Variants in LPP observed in about 807,000 individuals in gnomAD.
LPP encodes LIM domain containing preferred translocation partner in lipoma, also known as lipoma-preferred partner.
In LPP, 38 loss-of-function variants were observed where a neutral mutation model predicts 60.4. The observed-to-expected ratio is 0.63, with a 90% CI of 0.49 to 0.83. LPP has a LOEUF of 0.83. Among genes scored for constraint, LPP ranks in the 40% least tolerant of loss-of-function variants. LPP has a pLI of 0.00. For synonymous variants in LPP, 328 were observed against 290.8 expected (o/e 1.13, Z -1.30); for missense variants, 902 against 783.6 (o/e 1.15, Z -1.80).
At chr3:188,742,856 A>G (rs189474686) in intron 8 of LPP, among the ~76,000 whole-genome samples, 2 of 152,328 alleles carry the variant, frequency 1.3e-5, no homozygotes, top group Non-Finnish European at 2.9e-5. Context: ...ATAAACAAGA[A>G]AAAGTGTTTT....
chr3:188,232,504 A>ATTTTTTTTTTTTTTTT (rs71634069), intron 2 of LPP, among the ~76,000 whole-genome samples: 24 of 103,234 alleles, frequency 2.3e-4, no homozygotes, highest in Non-Finnish European at 2.5e-4. Flanking sequence ...ACACCCGGCT[A>ATTTTTTTTTTTTTTTT]TTTTTTTTTT....
intron 2 of LPP, among the ~76,000 whole-genome samples, chr3:188,301,192 A>G (rs1577957712): frequency 6.6e-6 from 1 of 150,452 alleles, no homozygotes; most frequent in Non-Finnish European, 1.5e-5. Context: ...TGTCATTTAT[A>G]TTTATCTATT....
chr3:188,839,877 AAAAAT>A (rs1368340917), intron 9 of LPP, among the ~76,000 whole-genome samples: 3 of 152,200 alleles, frequency 2.0e-5, no homozygotes, highest in Non-Finnish European at 4.4e-5. Context: ...ACTCCGTCTC[AAAAAT>A]AAAATAAAAT....
chr3:188,862,486 A>T (rs1486446422), intron 9 of LPP, among the ~76,000 whole-genome samples: 2 of 152,092 alleles, frequency 1.3e-5, no homozygotes, highest in African/African-American at 2.4e-5. Context: ...GGCATTCTCT[A>T]AGCAAAGTAG....
At chr3:188,535,336 G>A (rs1218666259) in intron 6 of LPP, among the ~76,000 whole-genome samples, 1 of 152,088 alleles carries the variant, frequency 6.6e-6, no homozygotes, top group South Asian at 2.1e-4. Flanking sequence ...AAATGACTTC[G>A]GTTTGCATAA....
intron 4 of LPP, among the ~76,000 whole-genome samples, chr3:188,431,886 A>G (rs1405252523): frequency 6.6e-6 from 1 of 152,190 alleles, no homozygotes; most frequent in Non-Finnish European, 1.5e-5. Flanking sequence ...TTAGGTTGTG[A>G]CATGGGTCAT....
intron 4 of LPP, among the ~76,000 whole-genome samples, chr3:188,443,201 C>T (rs1794451781): frequency 6.6e-6 from 1 of 152,188 alleles, no homozygotes; most frequent in Non-Finnish European, 1.5e-5. Context: ...TGTTTTCAGA[C>T]TGGGGCTCTA....
In LPP at chr3:188,609,129, T is replaced by G. The variant is rs753944921; in HGVS notation, c.430-32T>G. 163 of 1,502,914 alleles carry G rather than the reference T, an allele frequency of 1.1e-4. No homozygotes were observed. The highest frequency in any genetic ancestry group is 2.9e-4 in the Admixed American group (13 of 44,712). The allele number at this position is 1,502,914 out of a possible 1,614,324, so 93.1% of individuals were successfully genotyped here. ...GTTTCGTTGGCAGTAATTTTTGCTTTCTTTCTTTCTTTTTTTTCCTATTCT... is the reference window on the plus strand; with the variant it reads ...GTTTCGTTGGCAGTAATTTTTGCTTGCTTTCTTTCTTTTTTTTCCTATTCT... On this transcript the variant is annotated intron_variant, in intron 6 of 11. Coordinates refer to ENST00000617246, the MANE Select transcript of LPP (RefSeq NM_001375462.1). This position sits in a 1 kb window ranked among gnomAD's most constrained non-coding sequence, Gnocchi z 6.9.
chr3:188,470,057 A>C (rs896286657), intron 4 of LPP, among the ~76,000 whole-genome samples: 4 of 152,136 alleles, frequency 2.6e-5, no homozygotes, highest in Non-Finnish European at 4.4e-5. Flanking sequence ...ACAAACAAAA[A>C]TATTGAGAAT....
At chr3:188,162,622 C>T (rs1718635306) in intron 1 of LPP, among the ~76,000 whole-genome samples, 1 of 152,114 alleles carries the variant, frequency 6.6e-6, no homozygotes, top group African/African-American at 2.4e-5. Flanking sequence ...GGGCTAACCA[C>T]AAGCCCTGTG....
chr3:188,249,635 C>G (rs1314696839), intron 2 of LPP, among the ~76,000 whole-genome samples: 1 of 151,660 alleles, frequency 6.6e-6, no homozygotes, highest in Non-Finnish European at 1.5e-5. Flanking sequence ...ACTACATTTT[C>G]CCCTCTCCTC....
intron 3 of LPP, among the ~76,000 whole-genome samples, chr3:188,342,614 T>A (rs760541606): frequency 1.1e-4 from 16 of 152,230 alleles, no homozygotes; most frequent in South Asian, 2.1e-4. Context: ...TGTATTCTGC[T>A]GAATATTTTG....
intron 3 of LPP, among the ~76,000 whole-genome samples, chr3:188,404,674 GTC>G (rs1488481737): frequency 6.6e-6 from 1 of 152,206 alleles, no homozygotes; most frequent in Non-Finnish European, 1.5e-5. Context: ...CCTCCACCCT[GTC>G]TCTCTATTAC....
At chr3:188,636,484 C>T (rs905937684) in intron 7 of LPP, among the ~76,000 whole-genome samples, 3 of 152,128 alleles carry the variant, frequency 2.0e-5, no homozygotes, top group African/African-American at 7.2e-5. Context: ...GGGGGAGGGG[C>T]GCCCACCATT....
chr3:188,313,561 T>C (rs1032696394), intron 2 of LPP, among the ~76,000 whole-genome samples: 6 of 150,022 alleles, frequency 4.0e-5, no homozygotes, highest in Non-Finnish European at 7.4e-5. Flanking sequence ...TCGCTTGAAC[T>C]GGGAGGTGGA....
intron 4 of LPP, among the ~76,000 whole-genome samples, chr3:188,424,372 T>C (rs1471572637): frequency 1.3e-5 from 2 of 152,204 alleles, no homozygotes; most frequent in Non-Finnish European, 1.5e-5. Context: ...GTAGCATAGT[T>C]TGAAGTCAGG....
intron 7 of LPP, among the ~76,000 whole-genome samples, chr3:188,628,101 A>C (rs953163551): frequency 1.6e-4 from 25 of 152,098 alleles, no homozygotes; most frequent in African/African-American, 6.0e-4. Flanking sequence ...ACACAGCTAA[A>C]GCAGTATTAA....
At position 188,524,937 on chromosome 3, in the gene LPP, TTCCTTCC is replaced by T; in HGVS notation, c.429+152_429+158del. ...CTTCCTTCCTTCCTTCCTTCCTTCC[TTCCTTCC>T]TTCCTCTCTCTCTCTTCTTTCTTTC... is the stretch of plus-strand genomic sequence containing the variant. On this transcript the variant is annotated intron_variant, in intron 6 of 11. Coordinates refer to ENST00000617246, the MANE Select transcript of LPP (RefSeq NM_001375462.1). 4.8e-6 allele frequency: 3 copies of T among 626,268 alleles called. 1 individual carries two copies. The highest frequency in any genetic ancestry group is 7.5e-6 in the Non-Finnish European group (3 of 399,210). 38.8% of individuals were successfully genotyped at this position (626,268 alleles called of 1,614,324 possible).
chr3:188,798,879 C>T (rs555551780), intron 9 of LPP, among the ~76,000 whole-genome samples: 88 of 152,360 alleles, frequency 5.8e-4, no homozygotes, highest in African/African-American at 2.0e-3. Flanking sequence ...AACTCTGTCA[C>T]TTGCTGGTGA....
Sources: gnomAD v4.1 joint callset for allele counts (sites outside exome capture counted in the v4.1 genomes callset) on GRCh38, gnomAD v4.1.1 for gene constraint, Gnocchi (gnomAD v3.1) non-coding constraint, MANE v1.5 for transcripts, NCBI Gene and HGNC (gene_info 2026-07-23, HGNC 2026-07-21) for gene names.